POU2F1: variants seen among roughly 807,000 people sequenced by gnomAD.
The protein encoded by POU2F1 is POU domain, class 2, transcription factor 1.
Under a neutral mutation model 84.9 loss-of-function variants are expected in POU2F1, and 16 were observed. The ratio of observed to expected loss-of-function variants is 0.19; its 90% confidence interval spans 0.13 to 0.29. The LOEUF (loss-of-function observed/expected upper bound fraction) is 0.29, where lower values mean the gene tolerates loss of function less well. Among genes scored for constraint, POU2F1 ranks in the 10% least tolerant of loss-of-function variants. The pLI, the probability that POU2F1 is intolerant of heterozygous loss-of-function variation, is 1.00. For synonymous variants in POU2F1, 368 were observed against 368.3 expected, an observed-to-expected ratio of 1.00 and a Z score of 0.01; for missense variants, 738 against 942.6, an observed-to-expected ratio of 0.78 and a Z score of 2.84.
intron 8 of POU2F1, among the ~76,000 whole-genome samples, chr1:167,385,004 T>C (rs2101882895): frequency 6.6e-6 from 1 of 152,296 alleles, no homozygotes; most frequent in Middle Eastern, 3.4e-3. Context: ...GCTTAGCAAG[T>C]ATGATACAAA....
chr1:167,345,545 C>T (rs368799033), intron 2 of POU2F1, among the ~76,000 whole-genome samples: 165 of 152,286 alleles, frequency 1.1e-3, no homozygotes, highest in African/African-American at 3.5e-3. Flanking sequence ...ATCAGATAAA[C>T]TCAGAAGGTA....
chr1:167,359,904 CATT>C (rs1392301406), intron 2 of POU2F1, among the ~76,000 whole-genome samples: 2 of 145,360 alleles, frequency 1.4e-5, no homozygotes, highest in African/African-American at 5.1e-5. Context: ...GATGGTATCT[CATT>C]GTTATTTTGA....
At chr1:167,395,825 C>T (rs1429309235) in intron 9 of POU2F1, among the ~76,000 whole-genome samples, 2 of 152,132 alleles carry the variant, frequency 1.3e-5, no homozygotes, top group African/African-American at 4.8e-5. Context: ...GTCTGGAAAT[C>T]CTGGGCTCAA....
chr1:167,270,294 A>G (rs1652278345), intron 1 of POU2F1, among the ~76,000 whole-genome samples: 1 of 152,198 alleles, frequency 6.6e-6, no homozygotes, highest in Non-Finnish European at 1.5e-5. Context: ...AGTTAAAAAA[A>G]AAAGGCCTGT....
At chr1:167,294,360 TA>T (rs953672346) in intron 1 of POU2F1, among the ~76,000 whole-genome samples, 1 of 150,158 alleles carries the variant, frequency 6.7e-6, no homozygotes, top group African/African-American at 2.5e-5. Flanking sequence ...AAAATAATAA[TA>T]AAAAAAGAAT....
chr1:167,253,609 T>C (rs541694680), intron 1 of POU2F1, among the ~76,000 whole-genome samples: 1 of 152,196 alleles, frequency 6.6e-6, no homozygotes, highest in Admixed American at 6.5e-5. Flanking sequence ...GTATTTTTGG[T>C]AGAGACAGGG....
At chr1:167,368,344 T>C (rs1659813944) in intron 3 of POU2F1, among the ~76,000 whole-genome samples, 2 of 152,122 alleles carry the variant, frequency 1.3e-5, no homozygotes. Flanking sequence ...TCCCTCTCGG[T>C]GCATTCAGAA....
Position 167,388,177 on chromosome 1 carries a change from C to T in POU2F1, c.814-1411C>T, listed in dbSNP as rs577393700. 1.2e-4 allele frequency among the ~76,000 whole-genome samples: 18 copies of T among 152,238 alleles called. 1 individual carries two copies. In the South Asian group the frequency reaches 1.7e-3, roughly 14 times the overall value. Reference sequence around the variant, plus strand: ...CATTAATATATAAATTGGTTAAGGACGTAAATCCAATTCACATTCAAAGAA... The same window carrying T: ...CATTAATATATAAATTGGTTAAGGATGTAAATCCAATTCACATTCAAAGAA... On this transcript the variant is annotated intron_variant, in intron 8 of 15. Coordinates refer to ENST00000367866, the MANE Select transcript of POU2F1 (RefSeq NM_002697.4).
chr1:167,236,737 A>G (rs77116437), intron 1 of POU2F1, among the ~76,000 whole-genome samples: 1 of 152,150 alleles, frequency 6.6e-6, no homozygotes, highest in Admixed American at 6.5e-5. Context: ...ATGGTTGCAG[A>G]GTCTGGGCAG....
chr1:167,309,510 C>A (rs188365303), intron 1 of POU2F1, among the ~76,000 whole-genome samples: 3 of 152,274 alleles, frequency 2.0e-5, no homozygotes, highest in Admixed American at 2.0e-4. Flanking sequence ...CACTCACTTT[C>A]CTAAGCTTGG....
intron 2 of POU2F1, among the ~76,000 whole-genome samples, chr1:167,351,974 A>G (rs1224599209): frequency 6.6e-6 from 1 of 152,196 alleles, no homozygotes; most frequent in African/African-American, 2.4e-5. Context: ...CTGTCCTCCC[A>G]CCGCAAAAAT....
intron 1 of POU2F1, among the ~76,000 whole-genome samples, chr1:167,314,478 T>G (rs933940796): frequency 2.0e-5 from 3 of 152,130 alleles, no homozygotes; most frequent in Non-Finnish European, 4.4e-5. Context: ...TCTGACAATT[T>G]CTTAAAAAAT....
intron 2 of POU2F1, among the ~76,000 whole-genome samples, chr1:167,334,650 A>G (rs1353634065): frequency 6.6e-6 from 1 of 152,186 alleles, no homozygotes. Flanking sequence ...CCTCGTTTTA[A>G]TATAGAATGT....
At chr1:167,401,032 GTTTT>G in intron 12 of POU2F1, among the ~76,000 whole-genome samples, 1 of 151,766 alleles carries the variant, frequency 6.6e-6, no homozygotes, top group East Asian at 1.9e-4. Flanking sequence ...AAACTAATCC[GTTTT>G]TTTTAAAAGT....
chr1:167,396,603 T>C (rs778628068), intron 10 of POU2F1, 176 bp downstream of exon 10: 11 of 648,324 alleles, frequency 1.7e-5, no homozygotes, highest in Non-Finnish European at 2.8e-5. Flanking sequence ...AGCTGATTCA[T>C]TTAAATATTC....
chr1:167,329,559 G>A (rs934685559), intron 1 of POU2F1, among the ~76,000 whole-genome samples: 33 of 152,210 alleles, frequency 2.2e-4, no homozygotes, highest in African/African-American at 6.0e-4. Context: ...AGTTCAGCTC[G>A]AATGAATATT....
intron 1 of POU2F1, among the ~76,000 whole-genome samples, chr1:167,286,335 C>A (rs1653524459): frequency 6.6e-6 from 1 of 152,138 alleles, no homozygotes; most frequent in South Asian, 2.1e-4. Flanking sequence ...CATGTAAAGT[C>A]TATCCTCATT....
intron 1 of POU2F1, among the ~76,000 whole-genome samples, chr1:167,282,150 T>A (rs1030643802): frequency 2.3e-4 from 35 of 152,012 alleles, no homozygotes; most frequent in African/African-American, 7.2e-4. Flanking sequence ...TTTTCTTATT[T>A]TTTTTTTTTC....
intron 1 of POU2F1, among the ~76,000 whole-genome samples, chr1:167,322,150 A>G (rs931152598): frequency 6.6e-6 from 1 of 152,150 alleles, no homozygotes; most frequent in Non-Finnish European, 1.5e-5. Context: ...TAGTTATTTC[A>G]CAGGTAGGAC....
Sources: allele counts gnomAD v4.1 joint callset (sites outside exome capture counted in the v4.1 genomes callset), GRCh38; gene constraint gnomAD v4.1.1; transcripts MANE v1.5; gene names NCBI Gene and HGNC (gene_info 2026-07-23, HGNC 2026-07-21).